EML4: variants seen among roughly 807,000 people sequenced by gnomAD.
EML4 encodes EMAP like 4.
In EML4, 72 loss-of-function variants were observed where a neutral mutation model predicts 129.0. The ratio of observed to expected loss-of-function variants is 0.56; its 90% confidence interval spans 0.46 to 0.68. The LOEUF is 0.68. EML4 is among the 30% of genes least tolerant of loss of function. The probability of loss-of-function intolerance (pLI) is 0.00; values close to 1 mark genes in which losing one functional copy is unlikely to be tolerated. For synonymous variants in EML4, 532 were observed against 405.0 expected (o/e 1.31, Z -3.77); for missense variants, 1,363 against 1,190.6 (o/e 1.14, Z -2.13).
At chr2:42,297,286 C>G (rs772781332) in intron 13 of EML4, among the ~76,000 whole-genome samples, 6 of 152,154 alleles carry the variant, frequency 3.9e-5, no homozygotes, top group African/African-American at 7.2e-5. Context: ...ACAGCATAGT[C>G]TATTAAAACA....
intron 1 of EML4, among the ~76,000 whole-genome samples, chr2:42,243,933 T>A (rs746227336): frequency 6.6e-6 from 1 of 152,154 alleles, no homozygotes; most frequent in African/African-American, 2.4e-5. Context: ...ATTTAAATGA[T>A]CTCAGTGTGG....
chr2:42,286,775 G>A (rs531331530), intron 10 of EML4, among the ~76,000 whole-genome samples: 19 of 152,198 alleles, frequency 1.2e-4, no homozygotes, highest in Non-Finnish European at 1.8e-4. Context: ...AACTTGGCCA[G>A]TTCTGTACAA....
At chr2:42,251,051 A>G (rs1675735871) in intron 2 of EML4, among the ~76,000 whole-genome samples, 1 of 152,152 alleles carries the variant, frequency 6.6e-6, no homozygotes, top group South Asian at 2.1e-4. Flanking sequence ...CTCAGGTGGT[A>G]ATGCAAGTGA....
chr2:42,218,954 G>A (rs566099061), intron 1 of EML4, among the ~76,000 whole-genome samples: 29 of 152,268 alleles, frequency 1.9e-4, no homozygotes, highest in African/African-American at 6.7e-4. Flanking sequence ...ATGCACTGCA[G>A]CACTTGACTT....
chr2:42,310,985 T>C (rs1572737622), intron 17 of EML4, among the ~76,000 whole-genome samples: 1 of 152,276 alleles, frequency 6.6e-6, no homozygotes, highest in African/African-American at 2.4e-5. Flanking sequence ...TAAAAATGAT[T>C]TACCAAAAGT....
At chr2:42,210,208 G>A (rs1672809439) in intron 1 of EML4, among the ~76,000 whole-genome samples, 1 of 152,074 alleles carries the variant, frequency 6.6e-6, no homozygotes, top group Non-Finnish European at 1.5e-5. Context: ...TATCTCCGTA[G>A]GCTCTTGGCT....
At chr2:42,304,340 A>G in intron 16 of EML4, 144 bp from the exon 17 acceptor site, 1 of 640,542 alleles carries the variant, frequency 1.6e-6, no homozygotes, top group Admixed American at 2.7e-5. Flanking sequence ...TTCCTCTCAT[A>G]TCTGTGTGGT....
chr2:42,317,316 G>A, intron 18 of EML4, 111 bp from the exon 19 acceptor site: 1 of 695,514 alleles, frequency 1.4e-6, no homozygotes, highest in Non-Finnish European at 2.4e-6. Flanking sequence ...TTCATTAATT[G>A]CCAAATAGTT....
At chr2:42,246,701 T>C (rs180789873) in intron 2 of EML4, among the ~76,000 whole-genome samples, 4 of 152,300 alleles carry the variant, frequency 2.6e-5, no homozygotes, top group South Asian at 2.1e-4. Flanking sequence ...GTTCCTCTTA[T>C]GGATGATAGT....
At chr2:42,177,369 C>A (rs1408499247) in intron 1 of EML4, among the ~76,000 whole-genome samples, 1 of 151,880 alleles carries the variant, frequency 6.6e-6, no homozygotes, top group African/African-American at 2.4e-5. Context: ...GCCTGTAATC[C>A]CAACAGTTTG....
Position 42,326,181 on chromosome 2 carries a change from T to C in EML4, c.2270T>C (p.Ile757Thr), listed in dbSNP as rs780011555. 1 of 1,613,810 alleles carries C rather than the reference T, an allele frequency of 6.2e-7. No individual in the cohort carries two copies. Among genetic ancestry groups the C allele is most frequent in the Non-Finnish European group, 8.5e-7 (1 of 1,179,840 alleles). Residue 757 changes from isoleucine to threonine, a missense_variant, in exon 21 of 23, where the codon ATC becomes ACC. By Grantham distance (89) the Ile-to-Thr change is moderately conservative. Coordinates refer to ENST00000318522, the MANE Select transcript of EML4 (RefSeq NM_019063.5). ...YWDIPNGCKL[I>T]RNRSDCKDID... ...GACATTCCAAATGGCTGCAAACTAA[T>C]CAGGAATCGATCGGATTGTAAGGAC...
chr2:42,171,508 T>G lies in EML4; in HGVS notation c.25+1872T>G, dbSNP rs192153023. ...ATAGCTTTCTTCTTTCTTAACCAGTTTATGAGGCAAGTGATACAAAAGACC... is the reference window on the plus strand; with the variant it reads ...ATAGCTTTCTTCTTTCTTAACCAGTGTATGAGGCAAGTGATACAAAAGACC... On this transcript the variant is annotated intron_variant, in intron 1 of 22. Coordinates refer to ENST00000318522, the MANE Select transcript of EML4 (RefSeq NM_019063.5). Among the ~76,000 whole-genome samples, 10 of 152,320 alleles carry G rather than the reference T, an allele frequency of 6.6e-5. No individual in the cohort carries two copies. In the East Asian group the frequency reaches 1.9e-3, roughly 29 times the overall value.
At chr2:42,202,895 G>A (rs1672315104) in intron 1 of EML4, among the ~76,000 whole-genome samples, 1 of 152,156 alleles carries the variant, frequency 6.6e-6, no homozygotes, top group African/African-American at 2.4e-5. Flanking sequence ...TGGTGGGGTG[G>A]TGTATGCCTG....
At chr2:42,265,003 T>G (rs1247657059) in intron 6 of EML4, 49 of 1,503,132 alleles carry the variant, frequency 3.3e-5, no homozygotes, top group Non-Finnish European at 4.3e-5. Context: ...TTTTCCTGGA[T>G]CTCTTATTTG....
chr2:42,286,368 T>A lies in EML4; in HGVS notation c.1111T>A (p.Phe371Ile), dbSNP rs1667308463. ...TFERGVGCLD[F>I]SKADSGVHLC... ...TGAGCGTGGAGTAGGATGCCTGGAT[T>A]TTTCAAAAGCAGTAAGTAACAATTT... The change falls in exon 10 of 23, where the codon TTT becomes ATT. Residue 371 changes from phenylalanine (F) to isoleucine (I), a missense_variant. By Grantham distance (21) the Phe-to-Ile change is conservative. Coordinates refer to ENST00000318522, the MANE Select transcript of EML4 (RefSeq NM_019063.5). 1 of 1,606,554 alleles carries A rather than the reference T, an allele frequency of 6.2e-7. No individual in the cohort carries two copies. The highest frequency in any genetic ancestry group is 1.3e-5 in the African/African-American group (1 of 74,754).
intron 2 of EML4, among the ~76,000 whole-genome samples, chr2:42,251,008 C>A (rs371745587): frequency 3.9e-5 from 6 of 152,240 alleles, no homozygotes; most frequent in South Asian, 2.1e-4. Context: ...CTATGAGAAT[C>A]TAATACCGCC....
At chr2:42,245,094 C>CTTTTTTTTTTTTTTTTTTCTTTTTT (rs56808218) in intron 1 of EML4, among the ~76,000 whole-genome samples, 1 of 66,562 alleles carries the variant, frequency 1.5e-5, no homozygotes, top group East Asian at 4.3e-4. Context: ...AATTTTCTTT[C>CTTTTTTTTTTTTTTTTTTCTTTTTT]TTTTTTTTTT....
chr2:42,281,414 GA>G, intron 7 of EML4, among the ~76,000 whole-genome samples: 1 of 151,086 alleles, frequency 6.6e-6, no homozygotes, highest in African/African-American at 2.4e-5. Flanking sequence ...AAAAAAAAAG[GA>G]GACATTATCT....
At chr2:42,244,107 T>G (rs1267163818) in intron 1 of EML4, among the ~76,000 whole-genome samples, 5 of 135,386 alleles carry the variant, frequency 3.7e-5, no homozygotes, top group Middle Eastern at 3.7e-3. Context: ...TTTTGTTTTT[T>G]TTTTTTTTTT....
Sources: allele counts gnomAD v4.1 joint callset (sites outside exome capture counted in the v4.1 genomes callset), GRCh38; gene constraint gnomAD v4.1.1; transcripts MANE v1.5; gene names NCBI Gene and HGNC (gene_info 2026-07-23, HGNC 2026-07-21).